The following MGAT4C variants were observed in gnomAD, a reference collection of about 807,000 sequenced individuals.
MGAT4C encodes the protein alpha-1,3-mannosyl-glycoprotein 4-beta-N-acetylglucosaminyltransferase C.
In MGAT4C, 19 loss-of-function variants were observed where a neutral mutation model predicts 40.1. The ratio of observed to expected loss-of-function variants is 0.47; its 90% CI spans 0.33 to 0.70. The LOEUF (loss-of-function observed/expected upper bound fraction) is 0.70, where lower values mean the gene tolerates loss of function less well. Ranked by LOEUF, MGAT4C falls within the 30% of genes least tolerant of loss-of-function variation. MGAT4C has a pLI of 0.02. For synonymous variants in MGAT4C, 181 were observed against 187.1 expected, an observed-to-expected ratio of 0.97 and a Z score of 0.27; for missense variants, 491 against 563.2, an observed-to-expected ratio of 0.87 and a Z score of 1.30.
intron 2 of MGAT4C, among the ~76,000 whole-genome samples, chr12:86,679,360 A>T (rs903790480): frequency 2.6e-5 from 4 of 152,090 alleles, no homozygotes; most frequent in Non-Finnish European, 5.9e-5. Context: ...TAAGATACAG[A>T]CCAGATCATA....
At chr12:86,548,728 T>G (rs1592974985) in intron 2 of MGAT4C, among the ~76,000 whole-genome samples, 1 of 152,164 alleles carries the variant, frequency 6.6e-6, no homozygotes, top group East Asian at 1.9e-4. Context: ...TGTACATGAT[T>G]ACTAGCTGGG....
chr12:86,764,405 C>T (rs569686045), intron 1 of MGAT4C, among the ~76,000 whole-genome samples: 298 of 152,140 alleles, frequency 2.0e-3, no homozygotes, highest in African/African-American at 6.7e-3. Flanking sequence ...GGAGGCCTGC[C>T]GGCCTCTGTA....
At chr12:86,838,589 A>C (rs888379493) in intron 1 of MGAT4C, 1 of 152,198 alleles carries the variant, frequency 6.6e-6, no homozygotes, top group South Asian at 2.1e-4. Flanking sequence ...CTCTTTTTAC[A>C]GGTTTGGATC....
chr12:86,782,336 T>C lies in MGAT4C; in HGVS notation c.-261-55095A>G, dbSNP rs913027223. Among the ~76,000 whole-genome samples, 16 of 151,552 alleles carry C rather than the reference T, an allele frequency of 1.1e-4. No individual in the cohort carries two copies. In the East Asian group the frequency reaches 1.8e-3, roughly 17 times the overall value. On this transcript the variant is annotated intron_variant, in intron 1 of 7. Coordinates refer to the MGAT4C transcript ENST00000548651. Reference sequence around the variant, plus strand: ...AGCTGGGACTACAGGCGCCCGCCACTACGCCCGGCTAATTTTTTGTATTTT... The same window carrying C: ...AGCTGGGACTACAGGCGCCCGCCACCACGCCCGGCTAATTTTTTGTATTTT...
At chr12:86,412,287 C>T (rs1956622344) in intron 3 of MGAT4C, among the ~76,000 whole-genome samples, 1 of 152,180 alleles carries the variant, frequency 6.6e-6, no homozygotes, top group African/African-American at 2.4e-5. Context: ...CAGCAGCTTG[C>T]ACCATGCACC....
chr12:86,520,194 A>AT (rs1205795377), intron 2 of MGAT4C, among the ~76,000 whole-genome samples: 1 of 151,792 alleles, frequency 6.6e-6, no homozygotes, highest in Non-Finnish European at 1.5e-5. Context: ...ATCATTAGTT[A>AT]TTTTTTCCTG....
At chr12:86,666,324 T>C (rs1307560856) in intron 2 of MGAT4C, among the ~76,000 whole-genome samples, 1 of 152,174 alleles carries the variant, frequency 6.6e-6, no homozygotes, top group Non-Finnish European at 1.5e-5. Flanking sequence ...TAACTAAGAA[T>C]GAACTTTGTT....
chr12:86,837,280 G>T (rs779334510), intron 1 of MGAT4C, among the ~76,000 whole-genome samples: 8 of 152,138 alleles, frequency 5.3e-5, no homozygotes, highest in Non-Finnish European at 7.4e-5. Flanking sequence ...GTACTTAAAA[G>T]TCTCTTTGAG....
chr12:86,251,306 C>T (rs1269354303), intron 1 of MGAT4C, among the ~76,000 whole-genome samples: 1 of 151,880 alleles, frequency 6.6e-6, no homozygotes, highest in African/African-American at 2.4e-5. Context: ...CTTAGAGACA[C>T]ACAGAAGCAC....
At chr12:86,473,422 C>T (rs181411587) in intron 2 of MGAT4C, among the ~76,000 whole-genome samples, 71 of 152,220 alleles carry the variant, frequency 4.7e-4, no homozygotes, top group African/African-American at 1.6e-3. Flanking sequence ...ATGCATATTC[C>T]CATTAGAACA....
chr12:85,992,506 A>G (rs1886072672), intron 2 of MGAT4C, among the ~76,000 whole-genome samples: 1 of 152,176 alleles, frequency 6.6e-6, no homozygotes, highest in Non-Finnish European at 1.5e-5. Context: ...TGTGGCTGTC[A>G]AGGTTCCCAT....
chr12:86,144,986 C>CA (rs1018472545), intron 1 of MGAT4C, among the ~76,000 whole-genome samples: 24 of 151,412 alleles, frequency 1.6e-4, no homozygotes, highest in African/African-American at 4.1e-4. Context: ...CAAAACAAAA[C>CA]AAAAAAAATA....
rs115788327 is a variant in MGAT4C, at chr12:86,591,177, A to G, written c.-229+136032T>C. ...CATTCAATTTAATAATCATTTACCT[A>G]AAATGTTAGTCTTAATAACAAAGTA... is the stretch of plus-strand genomic sequence containing the variant. On this transcript the variant is annotated intron_variant, in intron 2 of 7. Coordinates refer to the MGAT4C transcript ENST00000548651. 6.9e-3 allele frequency among the ~76,000 whole-genome samples: 1,051 copies of G among 152,132 alleles called. 16 individuals are homozygous for G. Among genetic ancestry groups the G allele is most frequent in the African/African-American group, 0.024 (1,012 of 41,556 alleles).
chr12:86,643,473 T>C lies in MGAT4C; in HGVS notation c.-229+83736A>G, dbSNP rs112601868. 3.1e-3 allele frequency among the ~76,000 whole-genome samples: 477 copies of C among 151,900 alleles called. 1 individual carries two copies. Among genetic ancestry groups the C allele is most frequent in the African/African-American group, 0.011 (461 of 41,508 alleles). On this transcript the variant is annotated intron_variant, in intron 2 of 7. Coordinates refer to the MGAT4C transcript ENST00000548651. Reference sequence around the variant, plus strand: ...ATTAATTGATACACAATAAACAAAATGTGACATACCCACTCATAGGAGTAA... The same window carrying C: ...ATTAATTGATACACAATAAACAAAACGTGACATACCCACTCATAGGAGTAA...
At chr12:86,314,216 C>T (rs1351121408) in intron 4 of MGAT4C, among the ~76,000 whole-genome samples, 3 of 152,162 alleles carry the variant, frequency 2.0e-5, no homozygotes, top group Admixed American at 6.5e-5. Context: ...GATGCTTTAT[C>T]ATCACAGAAT....
At chr12:86,560,976 C>A (rs1235289550) in intron 2 of MGAT4C, among the ~76,000 whole-genome samples, 1 of 151,988 alleles carries the variant, frequency 6.6e-6, no homozygotes. Context: ...AACCAACATA[C>A]AAAAATCAGT....
intron 3 of MGAT4C, among the ~76,000 whole-genome samples, chr12:86,425,345 AGT>A (rs1191518236): frequency 1.3e-5 from 2 of 152,160 alleles, no homozygotes; most frequent in Non-Finnish European, 2.9e-5. Flanking sequence ...TTCTCATGAT[AGT>A]GAGTGAGTTC....
Position 86,551,086 on chromosome 12 carries a change from C to A in MGAT4C, c.-228-115821G>T, listed in dbSNP as rs1959335951. On this transcript the variant is annotated intron_variant, in intron 2 of 7. Transcript: ENST00000548651. ...ACTCTTTAAGGGAACACACCCAGGG[C>A]TACTGAGCAGCTTTGTGCCTGTATC... 3.3e-5 allele frequency among the ~76,000 whole-genome samples: 5 copies of A among 152,170 alleles called. No homozygotes were observed. The South Asian group carries it at 1.0e-3, about 31-fold the overall frequency.
At chr12:86,250,532 A>G (rs999649538) in intron 1 of MGAT4C, among the ~76,000 whole-genome samples, 1 of 152,158 alleles carries the variant, frequency 6.6e-6, no homozygotes, top group Non-Finnish European at 1.5e-5. Context: ...TGGTCTCTAC[A>G]TATATCAGAC....
Sources: gnomAD v4.1 joint callset for allele counts (sites outside exome capture counted in the v4.1 genomes callset) on GRCh38, gnomAD v4.1.1 for gene constraint, MANE v1.5 for transcripts, NCBI Gene and HGNC (gene_info 2026-07-23, HGNC 2026-07-21) for gene names.